Variants in PPWD1 observed in about 807,000 individuals in gnomAD.
The protein encoded by PPWD1 is peptidylprolyl isomerase domain and WD repeat-containing protein 1.
PPWD1 carries 43 observed loss-of-function variants against 68.8 expected under a neutral mutation model. That is an observed-to-expected ratio of 0.62 (90% CI 0.49 to 0.81). PPWD1 has a LOEUF of 0.81. Among genes scored for constraint, PPWD1 ranks in the 30% least tolerant of loss-of-function variants. PPWD1 has a pLI of 0.00. For synonymous variants in PPWD1, 232 were observed against 258.7 expected, an observed-to-expected ratio of 0.90 and a Z score of 0.99; for missense variants, 672 against 804.8, an observed-to-expected ratio of 0.83 and a Z score of 2.00.
At chr5:65,569,593 C>A (rs780250369) in intron 2 of PPWD1, 39 bp from the exon 3 acceptor site, 37 of 1,517,546 alleles carry the variant, frequency 2.4e-5, no homozygotes, top group Non-Finnish European at 9.0e-7. Flanking sequence ...ATTCATAGAT[C>A]TGTCTTAGAA....
chr5:65,583,766 C>T lies in PPWD1; in HGVS notation c.1532+547C>T, dbSNP rs551043745. On this transcript the variant is annotated intron_variant, in intron 8 of 10. Coordinates refer to ENST00000261308, the MANE Select transcript of PPWD1 (RefSeq NM_015342.4). ...CAGTTTGAGACTAGCCCGAGCAACA[C>T]GGCAAGACTCTATCTCTTAAAAAAA... Among the ~76,000 whole-genome samples the T allele has an allele frequency of 3.9e-5, 6 of 152,140 alleles. No individual in the cohort carries two copies. In the South Asian group the frequency reaches 1.2e-3, roughly 32 times the overall value.
Position 65,583,346 on chromosome 5 carries a change from A to G in PPWD1, c.1532+127A>G, listed in dbSNP as rs1285058274. The stretch of plus-strand genomic sequence containing the variant: ...GGAATTTTGAAGAAACGTTTGATAA[A>G]AAACATCTATTCCTGAGCTTTCTGA... On this transcript the variant is annotated intron_variant, in intron 8 of 10. Coordinates refer to ENST00000261308, the MANE Select transcript of PPWD1 (RefSeq NM_015342.4). The G allele has an allele frequency of 2.9e-5, 32 of 1,095,376 alleles. No homozygotes were observed. The East Asian group carries it at 8.3e-4, about 28-fold the overall frequency. 67.9% of individuals were successfully genotyped at this position (1,095,376 alleles called of 1,614,324 possible).
intron 4 of PPWD1, 169 bp from the exon 5 acceptor site, chr5:65,571,670 G>GT (rs1753009078): frequency 1.3e-6 from 1 of 760,516 alleles, no homozygotes; most frequent in Admixed American, 6.3e-5. Flanking sequence ...GAAAAAATAA[G>GT]TAACTATTCT....
At chr5:65,583,784 T>TA (rs1554123405) in intron 8 of PPWD1, among the ~76,000 whole-genome samples, 1 of 152,000 alleles carries the variant, frequency 6.6e-6, no homozygotes, top group Admixed American at 6.6e-5. Context: ...CTCTATCTCT[T>TA]AAAAAAAATT....
At chr5:65,577,985 A>G (rs888969260) in intron 6 of PPWD1, among the ~76,000 whole-genome samples, 1 of 152,222 alleles carries the variant, frequency 6.6e-6, no homozygotes, top group Non-Finnish European at 1.5e-5. Flanking sequence ...ATATTATCAT[A>G]TAGAGTAGTT....
intron 6 of PPWD1, among the ~76,000 whole-genome samples, chr5:65,578,837 G>A (rs941328471): frequency 6.9e-6 from 1 of 144,890 alleles, no homozygotes; most frequent in East Asian, 2.0e-4. Context: ...TAAAAAAAGA[G>A]TTTTTTATAT....
In PPWD1 at chr5:65,567,548, C is replaced by G. The variant is rs1381711963; in HGVS notation, c.232C>G (p.Pro78Ala). The change falls in exon 2 of 11, where the codon CCC becomes GCC. Residue 78 changes from proline to alanine, a missense_variant. Coordinates refer to ENST00000261308, the MANE Select transcript of PPWD1 (RefSeq NM_015342.4). ...TGAAAGAGTCTATCTTGATAATCTC[C>G]CCAGTGCATCCATGTATGAGCGCAG... ...EFERVYLDNL[P>A]SASMYERSYM... 1 of 1,611,308 alleles carries G rather than the reference C, an allele frequency of 6.2e-7. No homozygotes were observed. The highest frequency in any genetic ancestry group is 8.5e-7 in the Non-Finnish European group (1 of 1,178,608).
In PPWD1 at chr5:65,579,553, G is replaced by C. The variant is rs566310669; in HGVS notation, c.1290G>C (p.Gln430His). ...EMKASENPVLQNIQADPTIVC... is the reference protein window; with the variant it reads ...EMKASENPVLHNIQADPTIVC... ...AAGCTTCTGAAAATCCTGTTCTTCA[G>C]AATATTCAAGCTGACCCAACAATAG... is the stretch of plus-strand genomic sequence containing the variant. Residue 430 changes from glutamine to histidine, a missense_variant, in exon 7 of 11, where the codon CAG (glutamine) becomes CAC (histidine). Physicochemically the swap from Gln to His is conservative, Grantham distance 24. Coordinates refer to ENST00000261308, the MANE Select transcript of PPWD1 (RefSeq NM_015342.4). The C allele has an allele frequency of 5.0e-6, 8 of 1,609,102 alleles. No homozygotes were observed. In the Admixed American group the frequency reaches 1.2e-4, roughly 24 times the overall value.
Position 65,576,520 on chromosome 5 carries a change from G to A in PPWD1, c.970-359G>A, listed in dbSNP as rs1443459771. On this transcript the variant is annotated intron_variant, in intron 5 of 10. Transcript: ENST00000261308. ...GCCTCCCGAGTAGCTGGGATTACAG[G>A]CACACATCACCATGCCCGGCTAAGT... 4.9e-5 allele frequency: 12 copies of A among 245,904 alleles called. No homozygotes were observed. The Admixed American group carries it at 7.8e-4, about 16-fold the overall frequency. 15.2% of individuals were successfully genotyped at this position (245,904 alleles called of 1,614,324 possible).
chr5:65,582,836 A>T, intron 7 of PPWD1: 2 of 585,672 alleles, frequency 3.4e-6, no homozygotes, highest in South Asian at 3.9e-5. Flanking sequence ...TCAGTATGTT[A>T]TGTGGATCCT....
At chr5:65,564,657 A>G (rs1430732749) in intron 1 of PPWD1, among the ~76,000 whole-genome samples, 1 of 152,148 alleles carries the variant, frequency 6.6e-6, no homozygotes, top group Non-Finnish European at 1.5e-5. Flanking sequence ...CTCACATGGC[A>G]TATAAAGCCC....
chr5:65,582,031 T>C (rs1357045008), intron 7 of PPWD1, among the ~76,000 whole-genome samples: 2 of 152,130 alleles, frequency 1.3e-5, no homozygotes, highest in Admixed American at 6.5e-5. Flanking sequence ...TATAAACAAA[T>C]AGTACAACAG....
rs113671119 is a variant in PPWD1, at chr5:65,583,527, C to T, written c.1532+308C>T. On this transcript the variant is annotated intron_variant, in intron 8 of 10. Transcript: ENST00000261308. ...TTACTGTTAACAGCACATCTGAACT[C>T]TAGGTTTTGTGGATTGCTTTGCTTT... Among the ~76,000 whole-genome samples, 6 of 152,256 alleles carry T rather than the reference C, an allele frequency of 3.9e-5. 2 individuals are homozygous for T. Among genetic ancestry groups the T allele is most frequent in the African/African-American group, 1.4e-4 (6 of 41,550 alleles).
At chr5:65,568,712 A>G (rs560561894) in intron 2 of PPWD1, among the ~76,000 whole-genome samples, 43 of 152,078 alleles carry the variant, frequency 2.8e-4, no homozygotes, top group Admixed American at 1.6e-3. Context: ...AGATCAGTCT[A>G]TTCTTGATGT....
intron 6 of PPWD1, among the ~76,000 whole-genome samples, chr5:65,577,709 T>C (rs892313278): frequency 2.6e-5 from 4 of 152,170 alleles, no homozygotes; most frequent in African/African-American, 4.8e-5. Context: ...AAACAAATGA[T>C]TGATTGTTTT....
chr5:65,579,586 A>C lies in PPWD1; in HGVS notation c.1323A>C (p.Thr441=), dbSNP rs774916161. 6.3e-7 allele frequency: 1 copy of C among 1,582,502 alleles called. No homozygotes were observed. Among genetic ancestry groups the C allele is most frequent in the African/African-American group, 1.4e-5 (1 of 72,862 alleles). The change falls in exon 7 of 11, where the codon ACA becomes ACC. Residue 441 remains threonine, a synonymous_variant. Coordinates refer to ENST00000261308, the MANE Select transcript of PPWD1 (RefSeq NM_015342.4). The part of the protein sequence containing the change: ...NIQADPTIVC[T]SFKKNRFYMF... ...AAGCTGACCCAACAATAGTCTGTAC[A>C]TCATTCAAAAAGAATAGATTTTATA...
intron 1 of PPWD1, chr5:65,563,808 AC>A: frequency 6.6e-7 from 1 of 1,507,664 alleles, no homozygotes; most frequent in South Asian, 1.2e-5. Context: ...CACAGCAGCC[AC>A]ATGAAGTTGG....
chr5:65,584,423 G>T lies in PPWD1; in HGVS notation c.1533-591G>T, dbSNP rs142985211. ...TGTCATTTAAAGTTGAATAAATTTA[G>T]ATGTCATTTCTATGATTAAGGTTTT... On this transcript the variant is annotated intron_variant, in intron 8 of 10. Coordinates refer to ENST00000261308, the MANE Select transcript of PPWD1 (RefSeq NM_015342.4). Among the ~76,000 whole-genome samples the T allele has an allele frequency of 3.7e-3, 559 of 152,280 alleles. 3 individuals are homozygous for T. The highest frequency in any genetic ancestry group is 0.013 in the African/African-American group (528 of 41,558).
At chr5:65,578,031 A>G (rs1355804069) in intron 6 of PPWD1, among the ~76,000 whole-genome samples, 5 of 152,230 alleles carry the variant, frequency 3.3e-5, no homozygotes, top group African/African-American at 9.6e-5. Context: ...TGACTGTTCA[A>G]CCACTGATCT....
Sources: gnomAD v4.1 joint callset for allele counts (sites outside exome capture counted in the v4.1 genomes callset) on GRCh38, gnomAD v4.1.1 for gene constraint, MANE v1.5 for transcripts, NCBI Gene and HGNC (gene_info 2026-07-23, HGNC 2026-07-21) for gene names.